TMLHE: variants seen among roughly 807,000 people sequenced by gnomAD.
The protein encoded by TMLHE is trimethyllysine dioxygenase, mitochondrial.
A neutral mutation model predicts 25.7 loss-of-function variants in TMLHE; 18 were observed. That is an observed-to-expected ratio of 0.70 (90% CI 0.48 to 1.04). TMLHE has a LOEUF of 1.04. TMLHE is among the 50% of genes least tolerant of loss of function. The pLI is 0.00. For missense variants in TMLHE, 236 were observed against 259.0 expected (o/e 0.91, Z 0.61); for synonymous variants, 105 against 97.0 (o/e 1.08, Z -0.49).
chrX:155,596,284 C>A (rs181187317), intron 1 of TMLHE, among the ~76,000 whole-genome samples: 290 of 111,881 alleles, frequency 2.6e-3, no homozygotes, highest in Middle Eastern at 4.6e-3. Context: ...GATGCTTTGT[C>A]CTTGCAGTCA....
At chrX:155,582,351 C>T (rs1358518691) in intron 1 of TMLHE, among the ~76,000 whole-genome samples, 10 of 112,032 alleles carry the variant, frequency 8.9e-5, no homozygotes, top group Non-Finnish European at 1.9e-4. Context: ...AGAGCTTCTG[C>T]ACAGCAAAAG....
intron 1 of TMLHE, among the ~76,000 whole-genome samples, chrX:155,567,056 C>T (rs1256273427): frequency 1.6e-5 from 1 of 62,263 alleles, no homozygotes; most frequent in African/African-American, 3.6e-5. Context: ...TACTTGTAAC[C>T]TCCACAGTGT....
At chrX:155,545,403 C>G (rs1557338608) in intron 1 of TMLHE, 126 bp from the exon 2 acceptor site, 1 of 529,458 alleles carries the variant, frequency 1.9e-6, no homozygotes, top group South Asian at 7.7e-5. Context: ...GAGGATTAAA[C>G]AAAGGAGAAA....
chrX:155,566,989 A>G lies in TMLHE; in HGVS notation c.-1-21712T>C, dbSNP rs1193008240. 1.9e-4 allele frequency among the ~76,000 whole-genome samples: 12 copies of G among 62,481 alleles called. 2 individuals are homozygous for G. Among genetic ancestry groups the G allele is most frequent in the African/African-American group, 4.3e-4 (12 of 28,176 alleles). 54.3% of individuals were successfully genotyped at this position (62,481 alleles called of 115,157 possible). A position where few individuals can be genotyped will look rare whatever the true frequency, so the allele number is the denominator to read the frequency against. On this transcript the variant is annotated intron_variant, in intron 1 of 7. Coordinates refer to ENST00000334398, the MANE Select transcript of TMLHE (RefSeq NM_018196.4). ...TGTCCTCCTAATTGGTTCATCAAGT[A>G]TGTAAGCTTTGATTCTCTAGCTAAG...
intron 1 of TMLHE, among the ~76,000 whole-genome samples, chrX:155,611,034 A>T (rs782163174): frequency 9.0e-6 from 1 of 111,209 alleles, no homozygotes; most frequent in Admixed American, 9.5e-5. Flanking sequence ...CCAATGCAAA[A>T]CTCACCCTTC....
rs781927372 is a variant in TMLHE at position 155,549,683 on chromosome X, G to C, written c.-1-4406C>G. ...ATGAGGAATACATGGTCTGGTGTGT[G>C]TATGTGTGTGTGTCATCTTTATCAG... On this transcript the variant is annotated intron_variant, in intron 1 of 7. Transcript: ENST00000334398. Among the ~76,000 whole-genome samples, 47 of 109,975 alleles carry C rather than the reference G, an allele frequency of 4.3e-4. 1 individual carries two copies. Among genetic ancestry groups the C allele is most frequent in the Non-Finnish European group, 7.8e-4 (41 of 52,894 alleles).
chrX:155,523,338 T>C (rs2067200032), intron 3 of TMLHE, among the ~76,000 whole-genome samples: 1 of 111,624 alleles, frequency 9.0e-6, no homozygotes, highest in Non-Finnish European at 1.9e-5. Flanking sequence ...TATGATTTTT[T>C]TTTTATATAA....
intron 2 of TMLHE, among the ~76,000 whole-genome samples, chrX:155,528,322 T>G (rs987236256): frequency 7.1e-5 from 4 of 56,622 alleles, no homozygotes; most frequent in Non-Finnish European, 1.3e-4. Context: ...TTATTTATTT[T>G]ATCTTTTAAT....
chrX:155,515,960 T>G (rs1557334838), intron 3 of TMLHE, among the ~76,000 whole-genome samples: 1 of 108,939 alleles, frequency 9.2e-6, no homozygotes, highest in Non-Finnish European at 1.9e-5. Flanking sequence ...TTTAATGATT[T>G]GTCTGTTCAG....
At chrX:155,548,516 A>ACC (rs2067375669) in intron 1 of TMLHE, among the ~76,000 whole-genome samples, 1 of 108,689 alleles carries the variant, frequency 9.2e-6, no homozygotes, top group African/African-American at 3.6e-5. Flanking sequence ...CGGGCGGATC[A>ACC]CAAGGTCAGC....
chrX:155,533,626 A>C (rs1181512104), intron 2 of TMLHE, among the ~76,000 whole-genome samples: 2 of 111,393 alleles, frequency 1.8e-5, no homozygotes, highest in East Asian at 5.6e-4. Context: ...AGAGGTCAGA[A>C]AAAAAAAGAG....
At chrX:155,587,543 C>T (rs782437321) in intron 1 of TMLHE, among the ~76,000 whole-genome samples, 4 of 111,262 alleles carry the variant, frequency 3.6e-5, no homozygotes, top group Non-Finnish European at 5.7e-5. Context: ...AGAAATAAAA[C>T]GCATCCAAAT....
chrX:155,509,249 A>C (rs2067092952), intron 5 of TMLHE, among the ~76,000 whole-genome samples: 1 of 111,747 alleles, frequency 8.9e-6, no homozygotes, highest in African/African-American at 3.2e-5. Flanking sequence ...ATGATCATAT[A>C]ATTTAATTCC....
At chrX:155,599,819 G>A (rs999207738) in intron 1 of TMLHE, among the ~76,000 whole-genome samples, 14 of 111,324 alleles carry the variant, frequency 1.3e-4, no homozygotes, top group African/African-American at 4.6e-4. Context: ...CCATCAACCG[G>A]CATCTTGCCA....
chrX:155,527,716 AT>A lies in TMLHE; in HGVS notation c.182-3085del, dbSNP rs1335442154. On this transcript the variant is annotated intron_variant, in intron 2 of 7. Transcript: ENST00000334398. ...ATAATTCAAAAAAAATAAATTTCTGATGGATTAAAGTACAAAAAATTAAAAC... is the reference window on the plus strand; with the variant it reads ...ATAATTCAAAAAAAATAAATTTCTGAGGATTAAAGTACAAAAAATTAAAAC... Among the ~76,000 whole-genome samples, 4 of 112,243 alleles carry A rather than the reference AT, an allele frequency of 3.6e-5. No individual in the cohort carries two copies. The East Asian group carries it at 1.1e-3, about 31-fold the overall frequency.
intron 3 of TMLHE, among the ~76,000 whole-genome samples, chrX:155,523,677 T>C (rs2067202100): frequency 9.0e-6 from 1 of 111,676 alleles, no homozygotes; most frequent in Non-Finnish European, 1.9e-5. Context: ...AGCTTGTTTA[T>C]AATTATAAAA....
At chrX:155,588,390 A>C (rs1220148428) in intron 1 of TMLHE, among the ~76,000 whole-genome samples, 1 of 112,121 alleles carries the variant, frequency 8.9e-6, no homozygotes, top group African/African-American at 3.2e-5. Flanking sequence ...CAAACCGTTT[A>C]AGCAGTAGAA....
intron 2 of TMLHE, among the ~76,000 whole-genome samples, chrX:155,535,210 C>T (rs782628584): frequency 9.8e-5 from 11 of 111,800 alleles, no homozygotes; most frequent in Non-Finnish European, 1.9e-4. Flanking sequence ...TTGTACATGG[C>T]CCAAAAAAAG....
chrX:155,577,322 A>G (rs1157713832), intron 1 of TMLHE, among the ~76,000 whole-genome samples: 1 of 111,938 alleles, frequency 8.9e-6, no homozygotes, highest in African/African-American at 3.3e-5. Flanking sequence ...CACACCTGTA[A>G]TCCTAGCACT....
Sources: gnomAD v4.1 joint callset for allele counts (sites outside exome capture counted in the v4.1 genomes callset) on GRCh38, gnomAD v4.1.1 for gene constraint, MANE v1.5 for transcripts, NCBI Gene and HGNC (gene_info 2026-07-23, HGNC 2026-07-21) for gene names.